The following CELF2 variants were observed in gnomAD, a reference collection of about 807,000 sequenced individuals.
The protein encoded by CELF2 is CUG triplet repeat RNA-binding protein 2.
In CELF2, 8 loss-of-function variants were observed where a neutral mutation model predicts 62.6. The observed-to-expected ratio is 0.13, with a 90% CI of 0.07 to 0.23. The LOEUF is 0.23. Ranked by LOEUF, CELF2 falls within the 10% of genes least tolerant of loss-of-function variation. The pLI, the probability that CELF2 is intolerant of heterozygous loss-of-function variation, is 1.00. For synonymous variants in CELF2, 258 were observed against 250.0 expected, an observed-to-expected ratio of 1.03 and a Z score of -0.30; for missense variants, 333 against 671.0, an observed-to-expected ratio of 0.50 and a Z score of 5.56.
chr10:11,253,552 G>A lies in CELF2; in HGVS notation c.404-4186G>A, dbSNP rs1012395723. Among the ~76,000 whole-genome samples, 3 of 152,330 alleles carry A rather than the reference G, an allele frequency of 2.0e-5. No individual in the cohort carries two copies. The South Asian group carries it at 6.2e-4, about 32-fold the overall frequency. ...GGCAGTAATTAAATGCCATATGTTA[G>A]CACTAACACATTGAAAAGTTGTTAA... On this transcript the variant is annotated intron_variant, in intron 4 of 12. Coordinates refer to ENST00000633077, the MANE Select transcript of CELF2 (RefSeq NM_001326342.2).
chr10:10,567,892 A>T, the CELF2 span, among the ~76,000 whole-genome samples: 1 of 152,102 alleles, frequency 6.6e-6, no homozygotes, highest in African/African-American at 2.4e-5. Context: ...GGATTCCTTC[A>T]TTCATTCATT....
the CELF2 span, among the ~76,000 whole-genome samples, chr10:10,715,008 G>A: frequency 4.6e-5 from 7 of 152,164 alleles, 1 homozygote; most frequent in South Asian, 1.2e-3. Flanking sequence ...TTTGCTTAGA[G>A]ATTATTATTG....
intron 2 of CELF2, among the ~76,000 whole-genome samples, chr10:10,973,929 A>G (rs186163078): frequency 1.3e-5 from 2 of 152,074 alleles, no homozygotes; most frequent in African/African-American, 4.8e-5. Context: ...TTGGGGTTTT[A>G]CTTTCCAACT....
rs192952350 is a variant in CELF2, at chr10:11,184,310, G to A, written c.271+18628G>A. ...GCATTAGTTACTGCAACTTTATCACGAGTCTTGAAGTCAGATACTGTTAGT... is the reference window on the plus strand; with the variant it reads ...GCATTAGTTACTGCAACTTTATCACAAGTCTTGAAGTCAGATACTGTTAGT... On this transcript the variant is annotated intron_variant, in intron 2 of 12. Transcript: ENST00000633077. Among the ~76,000 whole-genome samples, 16 of 152,308 alleles carry A rather than the reference G, an allele frequency of 1.1e-4. No homozygotes were observed. In the East Asian group the frequency reaches 1.5e-3, roughly 15 times the overall value.
chr10:10,962,148 G>A (rs2049580580), intron 2 of CELF2, among the ~76,000 whole-genome samples: 1 of 152,044 alleles, frequency 6.6e-6, no homozygotes, highest in South Asian at 2.1e-4. Context: ...AGAGGGTGAG[G>A]AGGAAGACGA....
At chr10:11,194,286 G>A (rs1185127863) in intron 2 of CELF2, among the ~76,000 whole-genome samples, 13 of 152,016 alleles carry the variant, frequency 8.6e-5, no homozygotes, top group Admixed American at 6.5e-5. Context: ...GGATGATCTC[G>A]ATCTCTTGAC....
intron 1 of CELF2, among the ~76,000 whole-genome samples, chr10:10,868,697 C>G (rs902971181): frequency 6.6e-6 from 1 of 152,134 alleles, no homozygotes; most frequent in East Asian, 1.9e-4. Flanking sequence ...TGGCTGCTCT[C>G]CTGCTTTAAC....
chr10:10,516,539 A>C, the CELF2 span, among the ~76,000 whole-genome samples: 9 of 152,156 alleles, frequency 5.9e-5, no homozygotes, highest in Non-Finnish European at 8.8e-5. Context: ...TCAATTCGGC[A>C]GCACAGATAA....
At chr10:10,833,279 T>C (rs2058024740) in intron 1 of CELF2, among the ~76,000 whole-genome samples, 1 of 152,188 alleles carries the variant, frequency 6.6e-6, no homozygotes, top group African/African-American at 2.4e-5. Context: ...GCAGATTCAG[T>C]TCAAAACCAC....
At position 11,270,363 on chromosome 10, in the gene CELF2, TAAGGAGGTCCTGC is replaced by T. The variant is rs1021310718; in HGVS notation, c.619-298_619-286del. 3.9e-5 allele frequency among the ~76,000 whole-genome samples: 6 copies of T among 152,078 alleles called. No individual in the cohort carries two copies. The highest frequency in any genetic ancestry group is 8.8e-5 in the Non-Finnish European group (6 of 68,002). On this transcript the variant is annotated intron_variant, in intron 6 of 12. Coordinates refer to ENST00000633077, the MANE Select transcript of CELF2 (RefSeq NM_001326342.2). The surrounding 1 kb of genome is among the most constrained non-coding windows in gnomAD (Gnocchi z 5.8). ...GAACCTTGGTAAGGTCTGTTGTCTG[TAAGGAGGTCCTGC>T]AAGGTTGAAGGAAGACACAGGAAGA...
chr10:11,093,039 A>C (rs1339426881), intron 1 of CELF2, among the ~76,000 whole-genome samples: 1 of 152,242 alleles, frequency 6.6e-6, no homozygotes, highest in Non-Finnish European at 1.5e-5. Context: ...AGGAGGCTGT[A>C]CGTCTTGATT....
At chr10:10,647,443 A>G in the CELF2 span, among the ~76,000 whole-genome samples, 7 of 152,230 alleles carry the variant, frequency 4.6e-5, no homozygotes, top group Admixed American at 2.0e-4. Flanking sequence ...AAATGCAAAC[A>G]TCAATGCGGA....
Position 11,207,883 on chromosome 10 carries a change from T to A in CELF2, c.272-9542T>A, listed in dbSNP as rs1302625970. 1.3e-5 allele frequency among the ~76,000 whole-genome samples: 2 copies of A among 152,190 alleles called. No homozygotes were observed. The highest frequency in any genetic ancestry group is 4.8e-5 in the African/African-American group (2 of 41,438). On this transcript the variant is annotated intron_variant, in intron 2 of 12. Transcript: ENST00000633077. The surrounding 1 kb of genome is among the most constrained non-coding windows in gnomAD (Gnocchi z 4.1). Reference sequence around the variant, plus strand: ...GCTACTCTAGCTATGGAAGTCCCATTTTTAGGTGGGGAAAAAAGGGTTGTG... The same window carrying A: ...GCTACTCTAGCTATGGAAGTCCCATATTTAGGTGGGGAAAAAAGGGTTGTG...
At position 11,314,005 on chromosome 10, in the gene CELF2, A is replaced by T; in HGVS notation, c.977-134A>T. 2 of 898,728 alleles carry T rather than the reference A, an allele frequency of 2.2e-6. No homozygotes were observed. The highest frequency in any genetic ancestry group is 3.5e-6 in the Non-Finnish European group (2 of 577,388). 55.7% of individuals were successfully genotyped at this position (898,728 alleles called of 1,614,324 possible). A position where few individuals can be genotyped will look rare whatever the true frequency, so the allele number is the denominator to read the frequency against. On this transcript the variant is annotated intron_variant, in intron 9 of 12. Coordinates refer to ENST00000633077, the MANE Select transcript of CELF2 (RefSeq NM_001326342.2). This position sits in a 1 kb window ranked among gnomAD's most constrained non-coding sequence, Gnocchi z 5.3. ...TCAAAATTGCCACAAGTACAATCCC[A>T]CATGTCCTTCACCCAAAGCCACAAG...
In CELF2 at chr10:10,938,201, G is replaced by A. The variant is rs1304476044; in HGVS notation, c.89+18202G>A. Reference sequence around the variant, plus strand: ...CTTTGTTTTCTAATGGGCATGTGATGTTGATGAAAAATAGCATTCAAGTAA... The same window carrying A: ...CTTTGTTTTCTAATGGGCATGTGATATTGATGAAAAATAGCATTCAAGTAA... On this transcript the variant is annotated intron_variant, in intron 2 of 13. Coordinates refer to the CELF2 transcript ENST00000636488. The surrounding 1 kb of genome is among the most constrained non-coding windows in gnomAD (Gnocchi z 4.2). Among the ~76,000 whole-genome samples, 1 of 152,208 alleles carries A rather than the reference G, an allele frequency of 6.6e-6. No homozygotes were observed. The highest frequency in any genetic ancestry group is 6.5e-5 in the Admixed American group (1 of 15,284).
intron 2 of CELF2, among the ~76,000 whole-genome samples, chr10:11,180,867 G>GTTTA (rs57173187): frequency 0.14 from 20,952 of 151,830 alleles, 2,533 homozygotes; most frequent in East Asian, 0.6. Context: ...GAATGAATGA[G>GTTTA]TTTATTTATT....
At chr10:10,865,438 C>T (rs1428096381) in intron 1 of CELF2, among the ~76,000 whole-genome samples, 2 of 152,156 alleles carry the variant, frequency 1.3e-5, no homozygotes, top group Non-Finnish European at 2.9e-5. Context: ...TAAAAAGAGA[C>T]CAAGCTAATA....
chr10:10,623,587 G>C, the CELF2 span, among the ~76,000 whole-genome samples: 1 of 152,120 alleles, frequency 6.6e-6, no homozygotes, highest in Non-Finnish European at 1.5e-5. Flanking sequence ...ACCTGCTTTA[G>C]TAGCTTCCAG....
chr10:10,572,415 G>A, the CELF2 span, among the ~76,000 whole-genome samples: 9 of 151,830 alleles, frequency 5.9e-5, no homozygotes, highest in South Asian at 2.1e-4. Context: ...ATAGGTAAAC[G>A]TGTGCCATGG....
Sources: allele counts gnomAD v4.1 joint callset (sites outside exome capture counted in the v4.1 genomes callset), GRCh38; gene constraint gnomAD v4.1.1; non-coding constraint Gnocchi (gnomAD v3.1); transcripts MANE v1.5; gene names NCBI Gene and HGNC (gene_info 2026-07-23, HGNC 2026-07-21).